The following FAAH2 variants were observed in gnomAD, a reference collection of about 807,000 sequenced individuals.
FAAH2 encodes fatty acid amide hydrolase 2, also known as fatty-acid amide hydrolase 2.
A neutral mutation model predicts 36.9 loss-of-function variants in FAAH2; 60 were observed. The observed-to-expected ratio is 1.63, with a 90% CI of 1.32 to 2.02. FAAH2 has a LOEUF of 2.02. Among genes scored for constraint, FAAH2 ranks in the 30% most tolerant of loss-of-function variants. The pLI, the probability that FAAH2 is intolerant of heterozygous loss-of-function variation, is 0.00. For synonymous variants in FAAH2, 214 were observed against 143.8 expected (o/e 1.49, Z -3.49); for missense variants, 689 against 397.5 (o/e 1.73, Z -6.23).
chrX:57,205,165 C>A, the FAAH2 span, among the ~76,000 whole-genome samples: 4 of 112,656 alleles, frequency 3.6e-5, no homozygotes, highest in Non-Finnish European at 5.6e-5. Flanking sequence ...TCTTCGAGGA[C>A]TAACTCCTCC....
chrX:57,255,503 G>A, the FAAH2 span, among the ~76,000 whole-genome samples: 1 of 112,089 alleles, frequency 8.9e-6, no homozygotes, highest in Non-Finnish European at 1.9e-5. Flanking sequence ...TATCCCTGAT[G>A]AAGATCAAGG....
intron 3 of FAAH2, among the ~76,000 whole-genome samples, chrX:57,318,814 C>A (rs2052925297): frequency 9.0e-6 from 1 of 111,564 alleles, no homozygotes; most frequent in South Asian, 3.7e-4. Context: ...TCAGAAAGTT[C>A]ATCTACCACT....
At chrX:57,481,329 T>C (rs1298005218) in intron 10 of FAAH2, among the ~76,000 whole-genome samples, 1 of 111,521 alleles carries the variant, frequency 9.0e-6, no homozygotes, top group African/African-American at 3.3e-5. Context: ...TTCTGGTTTT[T>C]GGAATTTTCA....
chrX:57,322,805 TTTC>T (rs1271681196), intron 3 of FAAH2, among the ~76,000 whole-genome samples: 1 of 14,173 alleles, frequency 7.1e-5, no homozygotes, highest in East Asian at 0.077. Flanking sequence ...ATGCTTGTGA[TTTC>T]TTTTTTTTTT....
intron 5 of FAAH2, among the ~76,000 whole-genome samples, chrX:57,342,841 G>A (rs139785542): frequency 1.1e-3 from 123 of 111,392 alleles, no homozygotes; most frequent in Non-Finnish European, 2.0e-3. Context: ...TGTACTCAAG[G>A]TTTAGTTCCA....
the FAAH2 span, among the ~76,000 whole-genome samples, chrX:57,262,097 G>C: frequency 0.34 from 36,604 of 109,220 alleles, 5,076 homozygotes; most frequent in Middle Eastern, 0.61. Flanking sequence ...CTTTACTCCT[G>C]CTACTAAATG....
At chrX:57,214,666 A>G in the FAAH2 span, among the ~76,000 whole-genome samples, 1 of 111,480 alleles carries the variant, frequency 9.0e-6, no homozygotes, top group Non-Finnish European at 1.9e-5. Context: ...TGATCTTGTG[A>G]TCTGCCTGAT....
chrX:57,427,428 A>G (rs1346426352), intron 7 of FAAH2, among the ~76,000 whole-genome samples: 1 of 111,369 alleles, frequency 9.0e-6, no homozygotes, highest in Non-Finnish European at 1.9e-5. Context: ...ACAAAGCCAC[A>G]TATAAACATA....
intron 2 of FAAH2, among the ~76,000 whole-genome samples, chrX:57,303,629 G>T (rs1602212469): frequency 9.0e-6 from 1 of 111,650 alleles, no homozygotes. Flanking sequence ...CACTTGCAAG[G>T]TTATATAACC....
At chrX:57,394,318 T>G in intron 7 of FAAH2, 1 of 1,055,392 alleles carries the variant, frequency 9.5e-7, no homozygotes, top group Non-Finnish European at 1.3e-6. Context: ...TTGGAGTTAT[T>G]CCAGTCACCA....
intron 3 of FAAH2, among the ~76,000 whole-genome samples, chrX:57,317,433 A>AC (rs1602252056): frequency 8.9e-6 from 1 of 112,379 alleles, no homozygotes; most frequent in African/African-American, 3.2e-5. Flanking sequence ...GCATTACATA[A>AC]TCATAAAGGG....
At position 57,469,393 on chromosome X, in the gene FAAH2, G is replaced by A. The variant is rs186616399; in HGVS notation, c.1424-19364G>A. 3.7e-3 allele frequency among the ~76,000 whole-genome samples: 413 copies of A among 111,533 alleles called. 3 individuals are homozygous for A. Among genetic ancestry groups the A allele is most frequent in the Non-Finnish European group, 6.8e-3 (363 of 53,112 alleles). ...GACACACATTGGCTCAAAATAAAGG[G>A]ATGGAGGAAGATCTACCAAGCAAAT... On this transcript the variant is annotated intron_variant, in intron 10 of 10. Transcript: ENST00000374900.
the FAAH2 span, among the ~76,000 whole-genome samples, chrX:57,267,873 A>C: frequency 8.9e-6 from 1 of 112,599 alleles, no homozygotes; most frequent in Admixed American, 9.4e-5. Context: ...CAAAGATCAA[A>C]GGTAGATAAG....
chrX:57,354,134 A>C (rs1210317613), intron 5 of FAAH2, among the ~76,000 whole-genome samples: 3 of 111,154 alleles, frequency 2.7e-5, no homozygotes. Context: ...AGCTACCTGC[A>C]CTTGTATGTT....
intron 10 of FAAH2, among the ~76,000 whole-genome samples, chrX:57,486,775 G>A (rs912980755): frequency 1.8e-5 from 2 of 111,765 alleles, no homozygotes; most frequent in Non-Finnish European, 3.8e-5. Flanking sequence ...GCTTGAGAGA[G>A]GGTGATGCGA....
the FAAH2 span, among the ~76,000 whole-genome samples, chrX:57,195,798 C>A: frequency 6.2e-4 from 69 of 112,011 alleles, no homozygotes; most frequent in Non-Finnish European, 7.0e-4. Context: ...AAATAAAGAT[C>A]CAGTTTCATT....
intron 10 of FAAH2, among the ~76,000 whole-genome samples, chrX:57,480,879 A>G (rs778349456): frequency 1.8e-5 from 2 of 109,523 alleles, no homozygotes; most frequent in African/African-American, 6.6e-5. Context: ...ACCCCAGTCG[A>G]TCGTAGGTTT....
At position 57,488,943 on chromosome X, in the gene FAAH2, T is replaced by C. The variant is rs756334399; in HGVS notation, c.*11T>C. On this transcript the variant is annotated 3_prime_UTR_variant, in exon 11 of 11. Transcript: ENST00000374900. ...CCAGGAAAGTTTTAGGAGGACCTTCTGCAAGGTTAATGTGTGTGTGTGTTT... is the reference window on the plus strand; with the variant it reads ...CCAGGAAAGTTTTAGGAGGACCTTCCGCAAGGTTAATGTGTGTGTGTGTTT... 5.8e-6 allele frequency: 7 copies of C among 1,206,727 alleles called. No individual in the cohort carries two copies. The Admixed American group carries it at 1.5e-4, about 27-fold the overall frequency.
At chrX:57,250,993 T>G in the FAAH2 span, among the ~76,000 whole-genome samples, 1 of 111,457 alleles carries the variant, frequency 9.0e-6, no homozygotes, top group African/African-American at 3.3e-5. Flanking sequence ...AGATAACACT[T>G]CCAAACTCAT....
Sources: allele counts gnomAD v4.1 joint callset (sites outside exome capture counted in the v4.1 genomes callset), GRCh38; gene constraint gnomAD v4.1.1; transcripts MANE v1.5; gene names NCBI Gene and HGNC (gene_info 2026-07-23, HGNC 2026-07-21).